The following PLCB1 variants were observed in gnomAD, a reference collection of about 807,000 sequenced individuals.
PLCB1 encodes the protein phospholipase C beta 1.
Under a neutral mutation model 161.8 loss-of-function variants are expected in PLCB1, and 46 were observed. That is an observed-to-expected ratio of 0.28 (90% CI 0.22 to 0.36). PLCB1 has a LOEUF of 0.36. Ranked by LOEUF, PLCB1 falls within the 10% of genes least tolerant of loss-of-function variation. The pLI is 1.00. For synonymous variants in PLCB1, 517 were observed against 503.7 expected (o/e 1.03, Z -0.35); for missense variants, 1,016 against 1,472.5 (o/e 0.69, Z 5.07).
intron 26 of PLCB1, among the ~76,000 whole-genome samples, chr20:8,766,701 TG>T (rs1982334695): frequency 6.6e-6 from 1 of 152,194 alleles, no homozygotes; most frequent in African/African-American, 2.4e-5. Flanking sequence ...CTCTAGCTGC[TG>T]TGTGGAAGAG....
chr20:8,152,582 G>A (rs902224323), intron 2 of PLCB1, among the ~76,000 whole-genome samples: 1 of 151,928 alleles, frequency 6.6e-6, no homozygotes, highest in Non-Finnish European at 1.5e-5. Context: ...TTTTTTATCT[G>A]GCAATTAGTT....
At chr20:8,813,257 G>A (rs917167723) in intron 31 of PLCB1, among the ~76,000 whole-genome samples, 4 of 152,124 alleles carry the variant, frequency 2.6e-5, no homozygotes, top group Admixed American at 6.5e-5. Flanking sequence ...CTACTCACTC[G>A]CGGAAAGCTT....
intron 3 of PLCB1, among the ~76,000 whole-genome samples, chr20:8,454,597 A>G (rs1220101642): frequency 6.6e-6 from 1 of 152,128 alleles, no homozygotes; most frequent in African/African-American, 2.4e-5. Context: ...CTCACTGGTT[A>G]TTGGGCTGAG....
At chr20:8,438,069 G>A (rs1345253716) in intron 3 of PLCB1, among the ~76,000 whole-genome samples, 1 of 151,566 alleles carries the variant, frequency 6.6e-6, no homozygotes, top group East Asian at 1.9e-4. Context: ...CTTCATATAT[G>A]AATTTCATTT....
At chr20:8,747,133 A>C (rs1032406465) in intron 23 of PLCB1, among the ~76,000 whole-genome samples, 1 of 152,234 alleles carries the variant, frequency 6.6e-6, no homozygotes, top group Non-Finnish European at 1.5e-5. Flanking sequence ...TAAGACCTTT[A>C]CCTTAAACAG....
At chr20:8,333,073 A>T (rs767853781) in intron 2 of PLCB1, among the ~76,000 whole-genome samples, 1 of 152,178 alleles carries the variant, frequency 6.6e-6, no homozygotes, top group Non-Finnish European at 1.5e-5. Context: ...AGGAGAAGTG[A>T]TGTGTGTCAC....
intron 3 of PLCB1, among the ~76,000 whole-genome samples, chr20:8,406,816 T>A (rs1406816117): frequency 6.6e-6 from 1 of 152,228 alleles, no homozygotes; most frequent in Non-Finnish European, 1.5e-5. Context: ...TCAACTTACC[T>A]GGGCTCTTTC....
At chr20:8,430,849 T>TCAGGAGGCTGAGG (rs1980008429) in intron 3 of PLCB1, among the ~76,000 whole-genome samples, 1 of 152,012 alleles carries the variant, frequency 6.6e-6, no homozygotes, top group Non-Finnish European at 1.5e-5. Flanking sequence ...TCCTAGCTAC[T>TCAGGAGGCTGAGG]CAGGAGGCTG....
intron 7 of PLCB1, chr20:8,652,136 C>A (rs1288341331): frequency 6.6e-6 from 1 of 152,042 alleles, no homozygotes; most frequent in Non-Finnish European, 1.5e-5. Flanking sequence ...ATTGAGTAAT[C>A]TACTATGTTT....
At chr20:8,541,320 A>C (rs1046893249) in intron 3 of PLCB1, among the ~76,000 whole-genome samples, 1 of 152,202 alleles carries the variant, frequency 6.6e-6, no homozygotes, top group South Asian at 2.1e-4. Context: ...TTCCACAGGC[A>C]GAAGAGAGCC....
chr20:8,579,349 C>T (rs1182979210), intron 3 of PLCB1, among the ~76,000 whole-genome samples: 2 of 152,188 alleles, frequency 1.3e-5, no homozygotes, highest in African/African-American at 2.4e-5. Flanking sequence ...TTGTCTCAAC[C>T]AAGGCAACCC....
intron 9 of PLCB1, among the ~76,000 whole-genome samples, chr20:8,663,377 A>C (rs1600235125): frequency 6.6e-6 from 1 of 152,096 alleles, no homozygotes; most frequent in East Asian, 1.9e-4. Context: ...TTTTACATAA[A>C]AGATAGACTT....
intron 3 of PLCB1, among the ~76,000 whole-genome samples, chr20:8,475,822 G>C (rs142037174): frequency 6.6e-6 from 1 of 152,196 alleles, no homozygotes; most frequent in Non-Finnish European, 1.5e-5. Context: ...TTAATACTAG[G>C]ATAACTGGTA....
In PLCB1 at chr20:8,738,575, T is replaced by TA. The variant is rs921045389; in HGVS notation, c.2209-677dup. ...TAATAATAAAAATTAAAACACAAAT[T>TA]AAAAAAAAAGAAAACATAAATGAAA... On this transcript the variant is annotated intron_variant, in intron 20 of 31. Coordinates refer to ENST00000338037, the MANE Select transcript of PLCB1 (RefSeq NM_015192.4). Among the ~76,000 whole-genome samples the TA allele has an allele frequency of 4.6e-5, 7 of 151,128 alleles. 1 individual carries two copies. In the South Asian group the frequency reaches 6.3e-4, roughly 14 times the overall value.
intron 3 of PLCB1, among the ~76,000 whole-genome samples, chr20:8,508,992 A>G (rs1983760752): frequency 6.6e-6 from 1 of 152,276 alleles, no homozygotes; most frequent in East Asian, 1.9e-4. Context: ...CTTTCAGATA[A>G]TGCATTCCTT....
At chr20:8,676,753 A>G (rs1990088285) in intron 9 of PLCB1, among the ~76,000 whole-genome samples, 1 of 152,222 alleles carries the variant, frequency 6.6e-6, no homozygotes, top group Admixed American at 6.5e-5. Flanking sequence ...TTAGTCTGCC[A>G]ACTTGAAATA....
chr20:8,591,512 T>A (rs557940673), intron 3 of PLCB1, among the ~76,000 whole-genome samples: 1 of 152,218 alleles, frequency 6.6e-6, no homozygotes, highest in Non-Finnish European at 1.5e-5. Context: ...GAAAACTGAC[T>A]TCCTATGGTA....
chr20:8,251,483 A>C (rs148806148), intron 2 of PLCB1, among the ~76,000 whole-genome samples: 157 of 152,014 alleles, frequency 1.0e-3, no homozygotes, highest in African/African-American at 3.7e-3. Context: ...ACATGGTCAA[A>C]AGCATGAAGA....
intron 3 of PLCB1, among the ~76,000 whole-genome samples, chr20:8,545,044 G>T (rs1471405079): frequency 1.3e-5 from 2 of 152,156 alleles, no homozygotes; most frequent in African/African-American, 4.8e-5. Flanking sequence ...CAGTCTAGAA[G>T]AATGGATAAG....
Sources: allele counts gnomAD v4.1 joint callset (sites outside exome capture counted in the v4.1 genomes callset), GRCh38; gene constraint gnomAD v4.1.1; transcripts MANE v1.5; gene names NCBI Gene and HGNC (gene_info 2026-07-23, HGNC 2026-07-21).